The following CNTN5 variants were observed in gnomAD, a reference collection of about 807,000 sequenced individuals.
CNTN5 encodes the protein contactin-5.
CNTN5 carries 77 observed loss-of-function variants against 129.1 expected under a neutral mutation model. That is an observed-to-expected ratio of 0.60 (90% CI 0.50 to 0.72). The LOEUF is 0.72. Among genes scored for constraint, CNTN5 ranks in the 30% least tolerant of loss-of-function variants. The pLI is 0.00. For synonymous variants in CNTN5, 509 were observed against 465.6 expected (o/e 1.09, Z -1.20); for missense variants, 1,478 against 1,328.8 (o/e 1.11, Z -1.75).
At chr11:99,296,878 C>T (rs1313604095) in intron 1 of CNTN5, among the ~76,000 whole-genome samples, 2 of 151,956 alleles carry the variant, frequency 1.3e-5, no homozygotes, top group Admixed American at 1.3e-4. Flanking sequence ...TCCCAGGTGC[C>T]CAGAGAAAGG....
chr11:99,161,841 A>G (rs116875372), intron 1 of CNTN5, among the ~76,000 whole-genome samples: 5,857 of 152,236 alleles, frequency 0.038, 162 homozygotes, highest in Middle Eastern at 0.058. Flanking sequence ...TCATATTGCC[A>G]CTGAGACTAT....
intron 1 of CNTN5, among the ~76,000 whole-genome samples, chr11:99,267,147 A>G (rs1862939920): frequency 6.6e-6 from 1 of 152,034 alleles, no homozygotes; most frequent in African/African-American, 2.4e-5. Context: ...AGCCAGCTAG[A>G]CAAGGATAGA....
intron 1 of CNTN5, among the ~76,000 whole-genome samples, chr11:99,034,400 G>T (rs1428119996): frequency 1.3e-5 from 2 of 151,438 alleles, no homozygotes; most frequent in Non-Finnish European, 1.5e-5. Flanking sequence ...ATCTGGTCCT[G>T]GACTCTTTTT....
At chr11:99,949,088 G>A (rs1950615583) in intron 7 of CNTN5, among the ~76,000 whole-genome samples, 1 of 152,088 alleles carries the variant, frequency 6.6e-6, no homozygotes, top group Non-Finnish European at 1.5e-5. Flanking sequence ...CCACATCCCT[G>A]GTTAGCTTTA....
intron 1 of CNTN5, among the ~76,000 whole-genome samples, chr11:99,285,508 G>T (rs1266836574): frequency 2.6e-5 from 4 of 151,310 alleles, no homozygotes; most frequent in Non-Finnish European, 5.9e-5. Flanking sequence ...TTTTAAAATG[G>T]AAGATTCAGT....
intron 1 of CNTN5, among the ~76,000 whole-genome samples, chr11:99,255,827 C>A (rs1426100253): frequency 1.3e-5 from 2 of 151,492 alleles, no homozygotes; most frequent in African/African-American, 2.4e-5. Flanking sequence ...CACACGCACA[C>A]ACATGCACAC....
intron 1 of CNTN5, among the ~76,000 whole-genome samples, chr11:99,108,362 G>T (rs939931028): frequency 5.3e-5 from 8 of 152,040 alleles, no homozygotes; most frequent in Non-Finnish European, 1.2e-4. Context: ...CCTCTCCTTG[G>T]TTATTTTATT....
At chr11:99,705,090 C>G (rs1217315823) in intron 3 of CNTN5, among the ~76,000 whole-genome samples, 2 of 151,378 alleles carry the variant, frequency 1.3e-5, no homozygotes, top group Non-Finnish European at 3.0e-5. Flanking sequence ...TATCTTCTGG[C>G]TTCATTAACT....
At chr11:100,306,010 G>C (rs143680946) in intron 20 of CNTN5, among the ~76,000 whole-genome samples, 45 of 151,370 alleles carry the variant, frequency 3.0e-4, no homozygotes, top group Non-Finnish European at 4.6e-4. Context: ...ACAAATTTTG[G>C]GGGGGGCACA....
intron 1 of CNTN5, among the ~76,000 whole-genome samples, chr11:99,278,133 G>T (rs1863529420): frequency 6.6e-6 from 1 of 151,592 alleles, no homozygotes; most frequent in African/African-American, 2.4e-5. Flanking sequence ...TCCTCACACA[G>T]TGTCAGTGTT....
chr11:100,061,222 A>G lies in CNTN5; in HGVS notation c.991A>G (p.Thr331Ala), dbSNP rs201801323. The G allele has an allele frequency of 1.9e-6, 3 of 1,608,178 alleles. No homozygotes were observed. The highest frequency in any genetic ancestry group is 3.3e-5 in the Admixed American group (2 of 59,890). ...TGTTCCCTATCGTAGCCCCGTTCCA[A>G]CAATCACATGGATGAAGGTTAATGG... Reference protein sequence around the residue: ...ECFALGNPVPTITWMKVNGYI... With the variant: ...ECFALGNPVPAITWMKVNGYI... Residue 331 changes from threonine (T) to alanine (A), a missense_variant, in exon 10 of 25, where the codon ACA becomes GCA. Coordinates refer to ENST00000524871, the MANE Select transcript of CNTN5 (RefSeq NM_014361.4).
rs183048260 is a variant in CNTN5, at chr11:100,050,223, C to G, written c.981-10989C>G. 8.1e-3 allele frequency among the ~76,000 whole-genome samples: 1,239 copies of G among 152,198 alleles called. 14 individuals are homozygous for G. The highest frequency in any genetic ancestry group is 0.025 in the African/African-American group (1,049 of 41,494). Reference sequence around the variant, plus strand: ...CACAATAGCAAAGAATTGGAACCAACCCAAATGTCCAACAGTGATAGACTG... The same window carrying G: ...CACAATAGCAAAGAATTGGAACCAAGCCAAATGTCCAACAGTGATAGACTG... On this transcript the variant is annotated intron_variant, in intron 9 of 24. Coordinates refer to ENST00000524871, the MANE Select transcript of CNTN5 (RefSeq NM_014361.4).
At chr11:99,839,048 G>A (rs1031372604) in intron 4 of CNTN5, among the ~76,000 whole-genome samples, 1 of 151,966 alleles carries the variant, frequency 6.6e-6, no homozygotes, top group Non-Finnish European at 1.5e-5. Context: ...TTCTTCACAA[G>A]TTAATTGGTC....
intron 7 of CNTN5, among the ~76,000 whole-genome samples, chr11:99,954,919 T>C (rs969581346): frequency 6.6e-6 from 1 of 152,166 alleles, no homozygotes; most frequent in Non-Finnish European, 1.5e-5. Context: ...CCATGTGTAA[T>C]ATCTGAGAAA....
chr11:99,710,166 A>G (rs910400810), intron 3 of CNTN5, among the ~76,000 whole-genome samples: 1 of 151,804 alleles, frequency 6.6e-6, no homozygotes, highest in African/African-American at 2.4e-5. Flanking sequence ...ATACGGTTCC[A>G]TGTATCAGGC....
chr11:99,308,401 G>T (rs61442648), intron 1 of CNTN5, among the ~76,000 whole-genome samples: 1 of 152,124 alleles, frequency 6.6e-6, no homozygotes, highest in Non-Finnish European at 1.5e-5. Context: ...TATGGATGTA[G>T]TACCATATTG....
chr11:100,154,558 A>G lies in CNTN5; in HGVS notation c.1581-36568A>G, dbSNP rs555296382. On this transcript the variant is annotated intron_variant, in intron 13 of 24. Coordinates refer to ENST00000524871, the MANE Select transcript of CNTN5 (RefSeq NM_014361.4). Reference sequence around the variant, plus strand: ...TAAGCAGTAGTGGGATTGCTGGGTCAAATGGTATTTCTGGTTCTCGATCCT... The same window carrying G: ...TAAGCAGTAGTGGGATTGCTGGGTCGAATGGTATTTCTGGTTCTCGATCCT... 3.0e-4 allele frequency among the ~76,000 whole-genome samples: 45 copies of G among 152,290 alleles called. No individual in the cohort carries two copies. In the South Asian group the frequency reaches 8.7e-3, roughly 29 times the overall value.
At chr11:99,077,304 C>T (rs1259332289) in intron 1 of CNTN5, among the ~76,000 whole-genome samples, 1 of 150,928 alleles carries the variant, frequency 6.6e-6, no homozygotes, top group Non-Finnish European at 1.5e-5. Context: ...AAGCACAATG[C>T]TACTGACATT....
At chr11:99,361,019 C>T (rs1939072881) in intron 2 of CNTN5, among the ~76,000 whole-genome samples, 2 of 152,146 alleles carry the variant, frequency 1.3e-5, no homozygotes, top group African/African-American at 4.8e-5. Context: ...TTCCATAAAG[C>T]AGTAGGATAC....
Sources: allele counts gnomAD v4.1 joint callset (sites outside exome capture counted in the v4.1 genomes callset), GRCh38; gene constraint gnomAD v4.1.1; transcripts MANE v1.5; gene names NCBI Gene and HGNC (gene_info 2026-07-23, HGNC 2026-07-21).